The following MCOLN3 variants were observed in gnomAD, a reference collection of about 807,000 sequenced individuals.
The protein encoded by MCOLN3 is mucolipin TRP cation channel 3.
In MCOLN3, 62 loss-of-function variants were observed where a neutral mutation model predicts 69.4. The ratio of observed to expected loss-of-function variants is 0.89; its 90% CI spans 0.73 to 1.10. MCOLN3 has a LOEUF of 1.10. Ranked by LOEUF, MCOLN3 falls within the 50% of genes least tolerant of loss-of-function variation. MCOLN3 has a pLI of 0.00. For missense variants in MCOLN3, 564 were observed against 656.4 expected (o/e 0.86, Z 1.54); for synonymous variants, 183 against 217.0 (o/e 0.84, Z 1.38).
At chr1:85,024,529 G>A (rs1015591755) in intron 9 of MCOLN3, 1 of 152,086 alleles carries the variant, frequency 6.6e-6, no homozygotes, top group Non-Finnish European at 1.5e-5. Context: ...GTGGGGGTTT[G>A]TGGAAATTCT....
chr1:85,034,751 A>G (rs1166232712), intron 3 of MCOLN3, among the ~76,000 whole-genome samples: 5 of 152,200 alleles, frequency 3.3e-5, no homozygotes, highest in Non-Finnish European at 5.9e-5. Flanking sequence ...CTTTATACCA[A>G]TATTGCCTAT....
At chr1:85,042,046 C>T (rs796088447) in intron 2 of MCOLN3, among the ~76,000 whole-genome samples, 2 of 151,954 alleles carry the variant, frequency 1.3e-5, no homozygotes, top group Non-Finnish European at 2.9e-5. Context: ...AGAAACTACA[C>T]CCTTACTTAA....
At position 85,022,192 on chromosome 1, in the gene MCOLN3, G is replaced by T. The variant is rs376127772; in HGVS notation, c.1198C>A (p.Leu400Ile). ...GCTGCCTGAAGGGTCAAAATGAGGA[G>T]CTGGGAAAGTAAGAGAGGCCATTAG... ...RYLGFFAKYN[L>I]LILTLQAALP... Residue 400 changes from leucine (L) to isoleucine (I), a missense_variant and splice_region_variant, in exon 11 of 13, where the codon CTC (leucine) becomes ATC (isoleucine). Coordinates refer to ENST00000370589, the MANE Select transcript of MCOLN3 (RefSeq NM_018298.11). The T allele has an allele frequency of 4.3e-6, 7 of 1,614,002 alleles. No homozygotes were observed. Among genetic ancestry groups the T allele is most frequent in the African/African-American group, 1.3e-5 (1 of 75,042 alleles).
intron 12 of MCOLN3, among the ~76,000 whole-genome samples, chr1:85,019,803 C>A (rs751400948): frequency 9.2e-5 from 14 of 152,178 alleles, no homozygotes; most frequent in Non-Finnish European, 1.5e-4. Context: ...CTGTAAGGGA[C>A]CTTTCCAATC....
rs867902379 is a variant in MCOLN3, at chr1:85,046,310, G to T, written c.-2-948C>A. 9.3e-3 allele frequency among the ~76,000 whole-genome samples: 1,360 copies of T among 146,380 alleles called. 26 individuals carry two copies. Among genetic ancestry groups the T allele is most frequent in the African/African-American group, 0.032 (1,299 of 40,768 alleles). ...TCAAAGTACTTCATATCTATTTGGG[G>T]GGGGGGGCAGGTACGTTTGAAAAGG... On this transcript the variant is annotated intron_variant, in intron 1 of 12. Coordinates refer to ENST00000370589, the MANE Select transcript of MCOLN3 (RefSeq NM_018298.11).
intron 12 of MCOLN3, among the ~76,000 whole-genome samples, chr1:85,020,836 A>C (rs1003593659): frequency 6.6e-6 from 1 of 152,218 alleles, no homozygotes; most frequent in Non-Finnish European, 1.5e-5. Flanking sequence ...TTATAATTCT[A>C]ATAAAAGGTT....
Position 85,019,182 on chromosome 1 carries a change from C to T in MCOLN3, c.1603G>A (p.Gly535Arg). ...ISECKDLPNS[G>R]KYRLEDDPPV... Reference sequence around the variant, plus strand: ...GGGTCATCTTCTAATCTGTATTTTCCAGAGTTGGGTAGATCTTTGCATTCT... The same window carrying T: ...GGGTCATCTTCTAATCTGTATTTTCTAGAGTTGGGTAGATCTTTGCATTCT... The change falls in exon 13 of 13, where the codon GGA becomes AGA. Residue 535 changes from glycine (G) to arginine (R), a missense_variant. Physicochemically the swap from Gly to Arg is moderately radical, Grantham distance 125. Coordinates refer to ENST00000370589, the MANE Select transcript of MCOLN3 (RefSeq NM_018298.11). The T allele has an allele frequency of 6.2e-7, 1 of 1,613,570 alleles. No homozygotes were observed. Among genetic ancestry groups the T allele is most frequent in the East Asian group, 2.2e-5 (1 of 44,860 alleles).
At chr1:85,043,541 A>AAC (rs1653183692) in intron 2 of MCOLN3, among the ~76,000 whole-genome samples, 1 of 151,758 alleles carries the variant, frequency 6.6e-6, no homozygotes, top group Non-Finnish European at 1.5e-5. Context: ...AAAAAAAAAA[A>AAC]AGAATTGAAC....
In MCOLN3 at chr1:85,022,347, G is replaced by A. The variant is rs2028304; in HGVS notation, c.1149C>T (p.Leu383=). The A allele has an allele frequency of 0.84, 1,360,205 of 1,613,058 alleles. 574,614 individuals are homozygous for A. The highest frequency in any genetic ancestry group is 0.86 in the Non-Finnish European group (1,009,135 of 1,179,228). ...GGTATCGGATGACTCCAAGCCACAC[G>A]AGCATGGTAGAAGTCCCAAGAAGTA... ...CSILLGTSTM[L]VWLGVIRYLG... is the part of the protein sequence containing the mutation. Residue 383 remains leucine, a synonymous_variant, in exon 10 of 13, where the codon CTC becomes CTT. Coordinates refer to ENST00000370589, the MANE Select transcript of MCOLN3 (RefSeq NM_018298.11).
intron 9 of MCOLN3, chr1:85,025,053 T>C (rs781144580): frequency 6.6e-6 from 1 of 152,202 alleles, no homozygotes; most frequent in Non-Finnish European, 1.5e-5. Context: ...TTGCTTCCCA[T>C]AAGCTGCAAC....
At chr1:85,043,594 A>C (rs145413107) in intron 2 of MCOLN3, among the ~76,000 whole-genome samples, 1 of 152,094 alleles carries the variant, frequency 6.6e-6, no homozygotes, top group Non-Finnish European at 1.5e-5. Flanking sequence ...TACAGCAAAC[A>C]CTCAAGTGGT....
chr1:85,024,302 G>A (rs944332987), intron 9 of MCOLN3, among the ~76,000 whole-genome samples: 1 of 152,128 alleles, frequency 6.6e-6, no homozygotes, highest in African/African-American at 2.4e-5. Flanking sequence ...AAGAAAAGCG[G>A]CAAAAACATG....
chr1:85,037,100 G>C (rs1263573334), intron 3 of MCOLN3, among the ~76,000 whole-genome samples: 1 of 152,168 alleles, frequency 6.6e-6, no homozygotes, highest in Non-Finnish European at 1.5e-5. Flanking sequence ...AAACTGTTAG[G>C]ATAAGATAGG....
chr1:85,018,687 C>T lies in MCOLN3; in HGVS notation c.*436G>A, dbSNP rs1651779735. 6.4e-6 allele frequency: 1 copy of T among 156,274 alleles called. No homozygotes were observed. Among genetic ancestry groups the T allele is most frequent in the African/African-American group, 2.4e-5 (1 of 41,464 alleles). 9.7% of individuals were successfully genotyped at this position (156,274 alleles called of 1,614,324 possible). ...GCAATGATTACTGTATAAATGATAA[C>T]TACACCCACTCTCTCAAGGATGGAC... On this transcript the variant is annotated 3_prime_UTR_variant, in exon 13 of 13. Coordinates refer to ENST00000370589, the MANE Select transcript of MCOLN3 (RefSeq NM_018298.11).
chr1:85,046,346 G>A (rs953973013), intron 1 of MCOLN3, among the ~76,000 whole-genome samples: 2 of 152,000 alleles, frequency 1.3e-5, no homozygotes, highest in African/African-American at 4.8e-5. Context: ...GTTGGGTCGG[G>A]CTGGTTTTAT....
At chr1:85,048,154 C>G (rs542282522) in intron 1 of MCOLN3, among the ~76,000 whole-genome samples, 3 of 152,248 alleles carry the variant, frequency 2.0e-5, no homozygotes, top group Admixed American at 1.3e-4. Context: ...CGCCCAGCCC[C>G]GGGCAGGCCC....
chr1:85,019,026 A>C lies in MCOLN3; in HGVS notation c.*97T>G. 1 of 1,186,010 alleles carries C rather than the reference A, an allele frequency of 8.4e-7. No homozygotes were observed. Among genetic ancestry groups the C allele is most frequent in the Non-Finnish European group, 1.2e-6 (1 of 850,840 alleles). 73.5% of individuals were successfully genotyped at this position (1,186,010 alleles called of 1,614,324 possible). The stretch of plus-strand genomic sequence containing the variant: ...TAGGTCTCAATTAGCTCAAAATAAC[A>C]GTCTTCAAACATACTACATCTGATC... On this transcript the variant is annotated 3_prime_UTR_variant, in exon 13 of 13. Transcript: ENST00000370589.
At position 85,021,200 on chromosome 1, in the gene MCOLN3, T is replaced by C; in HGVS notation, c.1397A>G (p.Lys466Arg). The change falls in exon 12 of 13, where the codon AAA becomes AGA. Residue 466 changes from lysine (K) to arginine (R), a missense_variant. Lys to Arg is a conservative substitution (Grantham distance 26). Coordinates refer to ENST00000370589, the MANE Select transcript of MCOLN3 (RefSeq NM_018298.11). ...GACTAAGTAACTTTTTTGCTGCATT[T>C]TTGCAAACGTGGCAAACATATCATC... ...NGDDMFATFA[K>R]MQQKSYLVWL... 6.2e-7 allele frequency: 1 copy of C among 1,613,916 alleles called. No individual in the cohort carries two copies. Among genetic ancestry groups the C allele is most frequent in the Non-Finnish European group, 8.5e-7 (1 of 1,179,896 alleles).
intron 2 of MCOLN3, 80 bp from the exon 3 acceptor site, chr1:85,041,257 C>T (rs550886327): frequency 3.5e-6 from 4 of 1,146,824 alleles, no homozygotes; most frequent in East Asian, 5.2e-5. Context: ...GGGGCTTGAA[C>T]AACAAATAGA....
Sources: allele counts gnomAD v4.1 joint callset (sites outside exome capture counted in the v4.1 genomes callset), GRCh38; gene constraint gnomAD v4.1.1; transcripts MANE v1.5; gene names NCBI Gene and HGNC (gene_info 2026-07-23, HGNC 2026-07-21).